STXBP6: variants seen among roughly 807,000 people sequenced by gnomAD.
The protein encoded by STXBP6 is syntaxin binding protein 6, also known as syntaxin-binding protein 6.
STXBP6 carries 21 observed loss-of-function variants against 26.9 expected under a neutral mutation model. The ratio of observed to expected loss-of-function variants is 0.78; its 90% confidence interval spans 0.55 to 1.12. The LOEUF is 1.12. Among genes scored for constraint, STXBP6 ranks in the 50% most tolerant of loss-of-function variants. The pLI, the probability that STXBP6 is intolerant of heterozygous loss-of-function variation, is 0.00. For synonymous variants in STXBP6, 97 were observed against 92.6 expected (o/e 1.05, Z -0.27); for missense variants, 232 against 257.9 (o/e 0.90, Z 0.69).
intron 2 of STXBP6, among the ~76,000 whole-genome samples, chr14:24,871,290 A>C (rs1245586789): frequency 6.6e-6 from 1 of 152,198 alleles, no homozygotes; most frequent in East Asian, 1.9e-4. Context: ...AGAGTTCCTT[A>C]CACACAGTAA....
In STXBP6 at chr14:24,873,720, T is replaced by C. The variant is rs1443519974; in HGVS notation, c.155-16563A>G. Among the ~76,000 whole-genome samples, 5 of 152,202 alleles carry C rather than the reference T, an allele frequency of 3.3e-5. No homozygotes were observed. The East Asian group carries it at 9.6e-4, about 29-fold the overall frequency. ...ACAACAACCACTAACTTTCTCCCTT[T>C]TCCTGAGGACTCTTTTGTAAGGAGA... is the stretch of plus-strand genomic sequence containing the variant. On this transcript the variant is annotated intron_variant, in intron 2 of 5. Coordinates refer to ENST00000323944, the MANE Select transcript of STXBP6 (RefSeq NM_001394410.1).
At chr14:25,044,901 A>T (rs893067629) in intron 1 of STXBP6, among the ~76,000 whole-genome samples, 2 of 152,220 alleles carry the variant, frequency 1.3e-5, no homozygotes, top group African/African-American at 4.8e-5. Context: ...TCCCTTATCT[A>T]TCAAAGAGTG....
intron 2 of STXBP6, among the ~76,000 whole-genome samples, chr14:24,893,329 A>G (rs2070861118): frequency 6.6e-6 from 1 of 152,202 alleles, no homozygotes; most frequent in South Asian, 2.1e-4. Flanking sequence ...CCACAAACCT[A>G]AAGAACTTAC....
At chr14:24,881,122 T>G (rs946102349) in intron 2 of STXBP6, among the ~76,000 whole-genome samples, 3 of 150,996 alleles carry the variant, frequency 2.0e-5, no homozygotes. Flanking sequence ...CTGCTTCTGT[T>G]TTTTTTTTTT....
At chr14:24,823,511 C>G (rs1444468752) in intron 4 of STXBP6, among the ~76,000 whole-genome samples, 1 of 152,074 alleles carries the variant, frequency 6.6e-6, no homozygotes, top group Non-Finnish European at 1.5e-5. Context: ...GAATTTTCAG[C>G]AGCTACTTCT....
intron 2 of STXBP6, among the ~76,000 whole-genome samples, chr14:24,884,905 A>G (rs2070514438): frequency 1.3e-5 from 2 of 152,218 alleles, no homozygotes; most frequent in South Asian, 4.1e-4. Flanking sequence ...TGAGAAATAA[A>G]TATTTTTAAA....
chr14:24,851,992 A>G (rs977484851), intron 4 of STXBP6, among the ~76,000 whole-genome samples: 6 of 152,166 alleles, frequency 3.9e-5, no homozygotes, highest in African/African-American at 1.4e-4. Flanking sequence ...GATCTGAGTC[A>G]TGCAGCATGT....
chr14:24,838,639 G>A (rs2068695668), intron 4 of STXBP6, among the ~76,000 whole-genome samples: 1 of 151,552 alleles, frequency 6.6e-6, no homozygotes, highest in Admixed American at 6.6e-5. Context: ...AGCCGAGATC[G>A]CACCACTGCA....
chr14:24,960,967 G>A (rs1366578503), intron 2 of STXBP6, among the ~76,000 whole-genome samples: 1 of 152,196 alleles, frequency 6.6e-6, no homozygotes, highest in East Asian at 1.9e-4. Context: ...CCTGACTGTA[G>A]TGATTCTGTG....
At chr14:24,952,502 T>C (rs2073202939) in intron 2 of STXBP6, among the ~76,000 whole-genome samples, 1 of 152,182 alleles carries the variant, frequency 6.6e-6, no homozygotes, top group African/African-American at 2.4e-5. Flanking sequence ...TGTACCTTTC[T>C]GAGTTTTTCT....
chr14:24,814,485 T>C (rs2067913728), intron 5 of STXBP6, among the ~76,000 whole-genome samples: 1 of 152,258 alleles, frequency 6.6e-6, no homozygotes, highest in Non-Finnish European at 1.5e-5. Context: ...AATGGGCTTG[T>C]GCCAATTTAC....
intron 2 of STXBP6, among the ~76,000 whole-genome samples, chr14:24,973,525 ACAG>A (rs1334641141): frequency 1.3e-5 from 2 of 151,594 alleles, no homozygotes; most frequent in African/African-American, 2.4e-5. Context: ...AGCTGGGAGT[ACAG>A]GTGAGTGCCA....
chr14:24,994,973 C>A (rs1186091765), intron 1 of STXBP6: 1 of 143,112 alleles, frequency 7.0e-6, no homozygotes, highest in Non-Finnish European at 1.5e-5. Context: ...CACGCCACTG[C>A]ACTACTCTAG....
chr14:24,850,734 CAGCTAGTTT>C (rs1182658645), intron 4 of STXBP6, among the ~76,000 whole-genome samples: 2 of 152,066 alleles, frequency 1.3e-5, no homozygotes, highest in Non-Finnish European at 2.9e-5. Context: ...TGGATCTCCA[CAGCTAGTTT>C]AGCACATTTA....
intron 1 of STXBP6, among the ~76,000 whole-genome samples, chr14:25,001,281 G>A (rs2074754236): frequency 6.6e-6 from 1 of 152,172 alleles, no homozygotes; most frequent in South Asian, 2.1e-4. Context: ...TAATGCATAA[G>A]ACTCACAAGA....
intron 4 of STXBP6, among the ~76,000 whole-genome samples, chr14:24,845,167 A>G (rs1057199301): frequency 3.9e-5 from 6 of 152,002 alleles, no homozygotes; most frequent in African/African-American, 1.2e-4. Context: ...ATGTGCCACC[A>G]GGCCTGGCTA....
intron 5 of STXBP6, among the ~76,000 whole-genome samples, 188 bp from the exon 6 acceptor site, chr14:24,812,920 G>T (rs1217120016): frequency 6.6e-6 from 1 of 152,188 alleles, no homozygotes; most frequent in African/African-American, 2.4e-5. Flanking sequence ...AATAGCTCAT[G>T]GGACATTTCA....
chr14:24,878,434 C>G (rs989994461), intron 2 of STXBP6, among the ~76,000 whole-genome samples: 1 of 151,912 alleles, frequency 6.6e-6, no homozygotes, highest in Non-Finnish European at 1.5e-5. Flanking sequence ...TTTAGTTATT[C>G]TAACACCATT....
intron 1 of STXBP6, among the ~76,000 whole-genome samples, chr14:25,006,805 C>T (rs2074910142): frequency 6.6e-6 from 1 of 152,142 alleles, no homozygotes; most frequent in African/African-American, 2.4e-5. Context: ...TTCAGCACTT[C>T]CATCACCAAC....
Sources: gnomAD v4.1 joint callset for allele counts (sites outside exome capture counted in the v4.1 genomes callset) on GRCh38, gnomAD v4.1.1 for gene constraint, MANE v1.5 for transcripts, NCBI Gene and HGNC (gene_info 2026-07-23, HGNC 2026-07-21) for gene names.